Variants in PTBP1 observed in about 807,000 individuals in gnomAD.
PTBP1 encodes the protein polypyrimidine tract-binding protein 1.
In PTBP1, 8 loss-of-function variants were observed where a neutral mutation model predicts 59.8. That is an observed-to-expected ratio of 0.13 (90% CI 0.08 to 0.24). The LOEUF (loss-of-function observed/expected upper bound fraction) is 0.24, where lower values mean the gene tolerates loss of function less well. Ranked by LOEUF, PTBP1 falls within the 10% of genes least tolerant of loss-of-function variation. PTBP1 has a pLI of 1.00. For missense variants in PTBP1, 686 were observed against 767.0 expected (o/e 0.89, Z 1.25); for synonymous variants, 490 against 320.7 (o/e 1.53, Z -5.64).
At chr19:805,329 G>T (rs1232656144) in intron 8 of PTBP1, 142 bp downstream of exon 8, 13 of 1,223,318 alleles carry the variant, frequency 1.1e-5, no homozygotes, top group Non-Finnish European at 1.5e-5. Context: ...GCACGGTCCA[G>T]TGTCCCCCAC....
In PTBP1 at chr19:804,456, G is replaced by T; in HGVS notation, c.435+18G>T. ...ACCAGGCGGTGCGTGGCCCCGCGGC[G>T]GACCCCAGCAGCCCGGGGACCTCGG... On this transcript the variant is annotated intron_variant, in intron 5 of 14. Coordinates refer to ENST00000356948, the MANE Select transcript of PTBP1 (RefSeq NM_002819.5). 6.2e-7 allele frequency: 1 copy of T among 1,606,408 alleles called. No individual in the cohort carries two copies.
intron 13 of PTBP1, among the ~76,000 whole-genome samples, chr19:810,047 C>T (rs2034783161): frequency 6.6e-6 from 1 of 152,224 alleles, no homozygotes; most frequent in Non-Finnish European, 1.5e-5. Flanking sequence ...TGGCTCACGC[C>T]TATCATCCCA....
rs928283184 is a variant in PTBP1 at position 808,217 on chromosome 19, C to T, written c.1154-143C>T. On this transcript the variant is annotated intron_variant, in intron 11 of 14. Transcript: ENST00000356948. The surrounding 1 kb of genome is among the most constrained non-coding windows in gnomAD (Gnocchi z 4.7). ...CTCCTGTTAGCGCGCCCTGTGGCTG[C>T]GAGACGCAGCTCCGCAGTGGCCGAT... 7 of 709,268 alleles carry T rather than the reference C, an allele frequency of 9.9e-6. No homozygotes were observed. Among genetic ancestry groups the T allele is most frequent in the East Asian group, 5.4e-5 (2 of 36,892 alleles). 43.9% of individuals were successfully genotyped at this position (709,268 alleles called of 1,614,324 possible).
chr19:810,833 A>C lies in PTBP1; in HGVS notation c.*7A>C, dbSNP rs761228647. The stretch of plus-strand genomic sequence containing the variant: ...CTCCAAGTCCACCATCTAGGGGCAC[A>C]GGCCCCCACGGCCGGGCCCCCTGGC... On this transcript the variant is annotated 3_prime_UTR_variant, in exon 15 of 15. Coordinates refer to ENST00000356948, the MANE Select transcript of PTBP1 (RefSeq NM_002819.5). 8.5e-6 allele frequency: 13 copies of C among 1,535,108 alleles called. No homozygotes were observed. The highest frequency in any genetic ancestry group is 1.1e-5 in the Non-Finnish European group (13 of 1,150,218).
In PTBP1 at chr19:808,599, C is replaced by A; in HGVS notation, c.1300C>A (p.Leu434Ile). The A allele has an allele frequency of 6.2e-7, 1 of 1,608,514 alleles. No individual in the cohort carries two copies. The highest frequency in any genetic ancestry group is 8.5e-7 in the Non-Finnish European group (1 of 1,178,770). Residue 434 changes from leucine (L) to isoleucine (I), a missense_variant, in exon 13 of 15, where the codon CTC becomes ATC. Coordinates refer to ENST00000356948, the MANE Select transcript of PTBP1 (RefSeq NM_002819.5). The surrounding 1 kb of genome is among the most constrained non-coding windows in gnomAD (Gnocchi z 4.7). ...KLHGKPIRIT[L>I]SKHQNVQLPR... is the part of the protein sequence containing the mutation. The stretch of plus-strand genomic sequence containing the variant: ...GCACGGGAAGCCCATCCGCATCACG[C>A]TCTCGAAGCACCAGAACGTGCAGCT...
Position 807,861 on chromosome 19 carries a change from C to T in PTBP1, c.1120-8C>T, listed in dbSNP as rs750159061. The T allele has an allele frequency of 5.0e-6, 8 of 1,613,346 alleles. No homozygotes were observed. The highest frequency in any genetic ancestry group is 1.1e-5 in the South Asian group (1 of 91,074). On this transcript the variant is annotated splice_region_variant and splice_polypyrimidine_tract_variant and intron_variant, in intron 10 of 14. Coordinates refer to ENST00000356948, the MANE Select transcript of PTBP1 (RefSeq NM_002819.5). Reference sequence around the variant, plus strand: ...TCCCTCCGCTGCCTTGCTCTGCTGTCTCTAAAGAGAGTCACACCCCAAAGC... The same window carrying T: ...TCCCTCCGCTGCCTTGCTCTGCTGTTTCTAAAGAGAGTCACACCCCAAAGC...
chr19:801,762 C>G (rs983965037), intron 2 of PTBP1, among the ~76,000 whole-genome samples: 1 of 152,188 alleles, frequency 6.6e-6, no homozygotes, highest in Non-Finnish European at 1.5e-5. Flanking sequence ...TCCTCCCTTC[C>G]TCCGGTCCTG....
intron 2 of PTBP1, 120 bp from the exon 3 acceptor site, chr19:803,441 T>G: frequency 1.3e-6 from 1 of 767,794 alleles, no homozygotes. Context: ...AGTGTGGGTG[T>G]GGGTATGGGT....
chr19:801,324 C>T (rs1177892189), intron 2 of PTBP1, among the ~76,000 whole-genome samples: 2 of 152,232 alleles, frequency 1.3e-5, no homozygotes, highest in East Asian at 1.9e-4. Context: ...TCCAGGTGTC[C>T]CTTCCGTTCT....
At chr19:806,821 A>C (rs780476538) in intron 10 of PTBP1, 15 of 377,754 alleles carry the variant, frequency 4.0e-5, no homozygotes, top group Middle Eastern at 6.8e-4. Flanking sequence ...GCAATCTAAA[A>C]ATTACTTGGA....
intron 9 of PTBP1, 32 bp downstream of exon 9, chr19:805,601 G>A (rs2034528985): frequency 1.3e-6 from 2 of 1,567,264 alleles, no homozygotes; most frequent in African/African-American, 1.4e-5. Context: ...GTTCCCCAGC[G>A]ACTGCATGCC....
intron 2 of PTBP1, among the ~76,000 whole-genome samples, chr19:801,701 C>T (rs147609466): frequency 5.3e-5 from 8 of 152,316 alleles, no homozygotes; most frequent in East Asian, 1.9e-4. Flanking sequence ...CTGTGGGAGG[C>T]GAAGGTTGGA....
At position 810,960 on chromosome 19, in the gene PTBP1, T is replaced by C; in HGVS notation, c.*134T>C. ...TTTTAAAGAGAAATCAGTTTACCTG[T>C]TTTTAAAAAAATTAAATCTAGTTCA... is the stretch of plus-strand genomic sequence containing the variant. On this transcript the variant is annotated 3_prime_UTR_variant, in exon 15 of 15. Coordinates refer to ENST00000356948, the MANE Select transcript of PTBP1 (RefSeq NM_002819.5). 1 of 997,268 alleles carries C rather than the reference T, an allele frequency of 1.0e-6. No individual in the cohort carries two copies. The highest frequency in any genetic ancestry group is 3.4e-4 in the Middle Eastern group (1 of 2,980). 61.8% of individuals were successfully genotyped at this position (997,268 alleles called of 1,614,324 possible). A position where few individuals can be genotyped will look rare whatever the true frequency, so the allele number is the denominator to read the frequency against.
intron 1 of PTBP1, chr19:799,209 C>A: frequency 1.5e-6 from 1 of 662,240 alleles, no homozygotes; most frequent in Non-Finnish European, 2.7e-6. Flanking sequence ...ACAATGGTGG[C>A]CCCTTTTCAA....
chr19:799,165 C>T lies in PTBP1; in HGVS notation c.9-248C>T, dbSNP rs143043305. Among the ~76,000 whole-genome samples, 183 of 152,310 alleles carry T rather than the reference C, an allele frequency of 1.2e-3. 1 individual carries two copies. The East Asian group carries it at 0.025, about 20-fold the overall frequency. The stretch of plus-strand genomic sequence containing the variant: ...GTGGGGCCTGGTCCAGAGGTGGGGC[C>T]TGGGGTCCTGCTGGGAGGGAGGGGC... On this transcript the variant is annotated intron_variant, in intron 1 of 14. Coordinates refer to ENST00000356948, the MANE Select transcript of PTBP1 (RefSeq NM_002819.5).
chr19:811,568 G>C lies in PTBP1; in HGVS notation c.*742G>C, dbSNP rs1294199319. On this transcript the variant is annotated 3_prime_UTR_variant, in exon 15 of 15. Coordinates refer to ENST00000356948, the MANE Select transcript of PTBP1 (RefSeq NM_002819.5). ...TTATAGCAAGATGATACAATGGTAT[G>C]AGTGTAATCTAAACTTCCTTGTGGT... The C allele has an allele frequency of 6.6e-6, 1 of 152,446 alleles. No individual in the cohort carries two copies. Among genetic ancestry groups the C allele is most frequent in the Non-Finnish European group, 1.5e-5 (1 of 68,052 alleles). The allele number at this position is 152,446 out of a possible 1,614,324, so 9.4% of individuals were successfully genotyped here.
rs1568274015 is a variant in PTBP1, at chr19:808,339, C to T, written c.1154-21C>T. 2 of 1,573,150 alleles carry T rather than the reference C, an allele frequency of 1.3e-6. No individual in the cohort carries two copies. Among genetic ancestry groups the T allele is most frequent in the Middle Eastern group, 2.3e-4 (1 of 4,434 alleles). On this transcript the variant is annotated intron_variant, in intron 11 of 14. Coordinates refer to ENST00000356948, the MANE Select transcript of PTBP1 (RefSeq NM_002819.5). This position sits in a 1 kb window ranked among gnomAD's most constrained non-coding sequence, Gnocchi z 4.7. ...GGGGCAGGCAGCAGGAGACTCAGGC[C>T]CCATCCCTGGGCTTTTGAAGGCGTC...
intron 2 of PTBP1, among the ~76,000 whole-genome samples, chr19:803,045 G>A (rs1223480007): frequency 6.6e-6 from 1 of 152,206 alleles, no homozygotes; most frequent in Admixed American, 6.5e-5. Context: ...GGAGAGGAGG[G>A]GCTCCTGCGA....
rs370842160 is a variant in PTBP1 at position 803,652 on chromosome 19, G to A, written c.115+16G>A. The stretch of plus-strand genomic sequence containing the variant: ...GCTTCTGCAGGTAAGGCCGGGACTC[G>A]GCCCAGGGCAAGACCCGTGGGTGTC... On this transcript the variant is annotated intron_variant, in intron 3 of 14. Transcript: ENST00000356948. 92 of 1,611,438 alleles carry A rather than the reference G, an allele frequency of 5.7e-5. 1 individual carries two copies. In the South Asian group the frequency reaches 6.9e-4, roughly 12 times the overall value.
Sources: allele counts gnomAD v4.1 joint callset (sites outside exome capture counted in the v4.1 genomes callset), GRCh38; gene constraint gnomAD v4.1.1; non-coding constraint Gnocchi (gnomAD v3.1); transcripts MANE v1.5; gene names NCBI Gene and HGNC (gene_info 2026-07-23, HGNC 2026-07-21).